PCDHA8: variants seen among roughly 807,000 people sequenced by gnomAD.
The protein encoded by PCDHA8 is protocadherin alpha 8.
In PCDHA8, 53 loss-of-function variants were observed where a neutral mutation model predicts 61.8. The ratio of observed to expected loss-of-function variants is 0.86; its 90% CI spans 0.69 to 1.08. PCDHA8 has a LOEUF of 1.08. PCDHA8 is among the 50% of genes least tolerant of loss of function. The probability of loss-of-function intolerance (pLI) is 0.00; values close to 1 mark genes in which losing one functional copy is unlikely to be tolerated. For missense variants in PCDHA8, 1,293 were observed against 1,245.0 expected (o/e 1.04, Z -0.58); for synonymous variants, 618 against 556.6 (o/e 1.11, Z -1.55).
At chr5:140,943,927 A>G (rs1407165466) in intron 1 of PCDHA8, among the ~76,000 whole-genome samples, 2 of 152,236 alleles carry the variant, frequency 1.3e-5, no homozygotes, top group East Asian at 1.9e-4. Flanking sequence ...GAGCAGCTTT[A>G]GAAGTGTGGT....
At chr5:140,876,388 G>A in intron 1 of PCDHA8, 2 of 1,613,896 alleles carry the variant, frequency 1.2e-6, no homozygotes, top group Non-Finnish European at 1.7e-6. Context: ...TAGAATTTAT[G>A]GTGAACTGGA....
Position 140,852,095 on chromosome 5 carries a change from A to T in PCDHA8, c.2394+8380A>T. The stretch of plus-strand genomic sequence containing the variant: ...CAGCTATTTTATTTAATATTGTGTC[A>T]GATATTTTACAAGGTATGACCTAAT... On this transcript the variant is annotated intron_variant, in intron 1 of 3. Transcript: ENST00000531613. 16 of 908,222 alleles carry T rather than the reference A, an allele frequency of 1.8e-5. 1 individual carries two copies. Among genetic ancestry groups the T allele is most frequent in the Non-Finnish European group, 2.1e-5 (16 of 745,934 alleles). The allele number at this position is 908,222 out of a possible 1,614,324, so 56.3% of individuals were successfully genotyped here.
intron 1 of PCDHA8, chr5:140,928,062 C>G: frequency 6.2e-7 from 1 of 1,614,194 alleles, no homozygotes; most frequent in Non-Finnish European, 8.5e-7. Context: ...TGACGGCTTC[C>G]TTTGACAACT....
At position 140,842,682 on chromosome 5, in the gene PCDHA8, C is replaced by T. The variant is rs2150341934; in HGVS notation, c.1361C>T (p.Ala454Val). The stretch of plus-strand genomic sequence containing the variant: ...GCCGACGTGAACGACAATGCTCCGG[C>T]GTTCGCGCAGCCCGAGTACACGGTG... Reference protein sequence around the residue: ...EVADVNDNAPAFAQPEYTVFV... With the variant: ...EVADVNDNAPVFAQPEYTVFV... The change falls in exon 1 of 4, where the codon GCG (alanine) becomes GTG (valine). Residue 454 changes from alanine to valine, a missense_variant. Physicochemically the swap from Ala to Val is moderately conservative, Grantham distance 64 (BLOSUM62 0). Coordinates refer to ENST00000531613, the MANE Select transcript of PCDHA8 (RefSeq NM_018911.3). 2.1e-5 allele frequency: 34 copies of T among 1,595,356 alleles called. 3 individuals are homozygous for T. The Middle Eastern group carries it at 5.3e-4, about 25-fold the overall frequency.
chr5:140,867,480 G>T (rs1447452971), intron 1 of PCDHA8: 1 of 152,028 alleles, frequency 6.6e-6, no homozygotes, highest in African/African-American at 2.4e-5. Context: ...TGGGAAAAGA[G>T]TAAATATGAA....
At chr5:140,883,477 C>T (rs2059632046) in intron 1 of PCDHA8, 2 of 1,614,054 alleles carry the variant, frequency 1.2e-6, no homozygotes, top group Non-Finnish European at 1.7e-6. Flanking sequence ...CCTACAAGAA[C>T]TACTACTCAT....
In PCDHA8 at chr5:140,852,367, T is replaced by C. The variant is rs2150515720; in HGVS notation, c.2394+8652T>C. On this transcript the variant is annotated intron_variant, in intron 1 of 3. Transcript: ENST00000531613. Reference sequence around the variant, plus strand: ...ATCTTGGCTCACTGCAACGTCTGCCTCCTGGGTTCAAGCAATTCTCCTGCC... The same window carrying C: ...ATCTTGGCTCACTGCAACGTCTGCCCCCTGGGTTCAAGCAATTCTCCTGCC... 73 of 201,190 alleles carry C rather than the reference T, an allele frequency of 3.6e-4. 4 individuals are homozygous for C. The highest frequency in any genetic ancestry group is 6.9e-4 in the Non-Finnish European group (70 of 101,398). 12.5% of individuals were successfully genotyped at this position (201,190 alleles called of 1,614,324 possible).
rs2150454845 is a variant in PCDHA8, at chr5:140,849,865, A to G, written c.2394+6150A>G. On this transcript the variant is annotated intron_variant, in intron 1 of 3. Coordinates refer to ENST00000531613, the MANE Select transcript of PCDHA8 (RefSeq NM_018911.3). ...AACGACAACGCACCAGCGTTCGCGC[A>G]GTCCGAGTACACGGTGTTCGTGAAG... The G allele has an allele frequency of 3.1e-6, 5 of 1,598,572 alleles. 1 individual carries two copies. The Admixed American group carries it at 8.4e-5, about 27-fold the overall frequency.
At chr5:140,985,167 G>C (rs905296036) in intron 3 of PCDHA8, among the ~76,000 whole-genome samples, 2 of 152,176 alleles carry the variant, frequency 1.3e-5, no homozygotes, top group Admixed American at 1.3e-4. Context: ...TCAATCTCCT[G>C]ACCTCGTAAT....
chr5:140,841,468 G>A lies in PCDHA8; in HGVS notation c.147G>A (p.Ala49=). 6.2e-7 allele frequency: 1 copy of A among 1,612,986 alleles called. No homozygotes were observed. The highest frequency in any genetic ancestry group is 8.5e-7 in the Non-Finnish European group (1 of 1,179,886). The change falls in exon 1 of 4, where the codon GCG becomes GCA. Residue 49 remains alanine (A), a synonymous_variant. Transcript: ENST00000531613. ...AKHGTFVGRI[A]QDLGLELAEL... ...ACGGCACCTTCGTGGGCCGGATCGC[G>A]CAGGACCTGGGGCTGGAGCTGGCGG...
intron 1 of PCDHA8, chr5:140,851,486 C>A (rs2042075619): frequency 1.1e-6 from 1 of 886,576 alleles, no homozygotes; most frequent in Middle Eastern, 5.8e-4. Context: ...ATAAACACAG[C>A]CTTCATTTCA....
At chr5:140,867,147 C>G (rs1554160998) in intron 1 of PCDHA8, 1 of 152,068 alleles carries the variant, frequency 6.6e-6, no homozygotes, top group Non-Finnish European at 1.5e-5. Flanking sequence ...TATCATTTTT[C>G]CAGAGTAAAC....
At chr5:140,966,922 G>C (rs782206344) in intron 1 of PCDHA8, 7 of 1,602,954 alleles carry the variant, frequency 4.4e-6, no homozygotes, top group Non-Finnish European at 5.9e-6. Context: ...CAGAGGAGCA[G>C]GCACCCGGCG....
At chr5:140,853,934 C>A in intron 1 of PCDHA8, 1 of 864,496 alleles carries the variant, frequency 1.2e-6, no homozygotes, top group Non-Finnish European at 1.4e-6. Flanking sequence ...TTTGGGAGGC[C>A]AAGGTGGGAG....
chr5:140,882,745 T>C (rs782756975), intron 1 of PCDHA8: 1 of 1,614,124 alleles, frequency 6.2e-7, no homozygotes, highest in Non-Finnish European at 8.5e-7. Flanking sequence ...GCGCATCCGA[T>C]GCAGATATTG....
intron 1 of PCDHA8, among the ~76,000 whole-genome samples, chr5:140,952,513 A>G (rs533436826): frequency 6.6e-6 from 1 of 152,028 alleles, no homozygotes; most frequent in Non-Finnish European, 1.5e-5. Flanking sequence ...CCTCATCTCC[A>G]TCTGAGACCT....
rs201090787 is a variant in PCDHA8, at chr5:140,876,840, G to A, written c.2394+33125G>A. On this transcript the variant is annotated intron_variant, in intron 1 of 3. Coordinates refer to ENST00000531613, the MANE Select transcript of PCDHA8 (RefSeq NM_018911.3). Reference sequence around the variant, plus strand: ...TGAACGACAATGCGCCTGCGTTCGCGCAGCCCGAGTACACAGTGTTCGTGA... The same window carrying A: ...TGAACGACAATGCGCCTGCGTTCGCACAGCCCGAGTACACAGTGTTCGTGA... 2.5e-6 allele frequency: 4 copies of A among 1,614,166 alleles called. No homozygotes were observed. In the East Asian group the frequency reaches 6.7e-5, roughly 27 times the overall value.
intron 1 of PCDHA8, chr5:140,867,087 G>T (rs1320862107): frequency 3.9e-5 from 6 of 151,970 alleles, no homozygotes; most frequent in African/African-American, 1.4e-4. Context: ...CTGTATTGTT[G>T]GAAATTAACA....
chr5:140,899,069 A>G (rs1554188379), intron 1 of PCDHA8, among the ~76,000 whole-genome samples: 1 of 152,164 alleles, frequency 6.6e-6, no homozygotes, highest in Non-Finnish European at 1.5e-5. Flanking sequence ...GAAGTTGCTT[A>G]TCAGCTTAAG....
Sources: allele counts gnomAD v4.1 joint callset (sites outside exome capture counted in the v4.1 genomes callset), GRCh38; gene constraint gnomAD v4.1.1; transcripts MANE v1.5; gene names NCBI Gene and HGNC (gene_info 2026-07-23, HGNC 2026-07-21).